The following RALGAPA2 variants were observed in gnomAD, a reference collection of about 807,000 sequenced individuals.
RALGAPA2 encodes Ral GTPase activating protein catalytic subunit alpha 2, also known as ral GTPase-activating protein subunit alpha-2.
In RALGAPA2, 139 loss-of-function variants were observed where a neutral mutation model predicts 230.4. The observed-to-expected ratio is 0.60, with a 90% CI of 0.53 to 0.69. The LOEUF (loss-of-function observed/expected upper bound fraction) is 0.69, where lower values mean the gene tolerates loss of function less well. Ranked by LOEUF, RALGAPA2 falls within the 30% of genes least tolerant of loss-of-function variation. The probability of loss-of-function intolerance (pLI) is 0.00; values close to 1 mark genes in which losing one functional copy is unlikely to be tolerated. For missense variants in RALGAPA2, 2,163 were observed against 2,276.0 expected (o/e 0.95, Z 1.01); for synonymous variants, 847 against 837.8 (o/e 1.01, Z -0.19).
intron 1 of RALGAPA2, among the ~76,000 whole-genome samples, chr20:20,687,362 C>G (rs1348978935): frequency 2.0e-5 from 3 of 152,182 alleles, no homozygotes; most frequent in Non-Finnish European, 4.4e-5. Context: ...CTGCCTAGGT[C>G]CCTGGGTAGT....
Position 20,531,775 on chromosome 20 carries a change from A to G in RALGAPA2, c.3494T>C (p.Leu1165Pro). 1 of 1,605,158 alleles carries G rather than the reference A, an allele frequency of 6.2e-7. No individual in the cohort carries two copies. The highest frequency in any genetic ancestry group is 8.5e-7 in the Non-Finnish European group (1 of 1,175,672). Reference protein sequence around the residue: ...EYARCIAVCSLGVWICEELAQ... With the variant: ...EYARCIAVCSPGVWICEELAQ... ...AAGCTCTTCACATATCCAGACCCCA[A>G]GGGAGCAAACAGCAATGCATCTTTT... Residue 1165 changes from leucine to proline, a missense_variant, in exon 27 of 40, where the codon CTT (leucine) becomes CCT (proline). Leu to Pro is a moderately conservative substitution (Grantham distance 98). Transcript: ENST00000202677.
At chr20:20,614,251 C>T (rs2066065733) in intron 13 of RALGAPA2, among the ~76,000 whole-genome samples, 1 of 152,074 alleles carries the variant, frequency 6.6e-6, no homozygotes, top group African/African-American at 2.4e-5. Flanking sequence ...TTTTTCTTTT[C>T]TATACTTTCA....
chr20:20,674,705 G>A (rs1474036595), intron 3 of RALGAPA2, among the ~76,000 whole-genome samples: 1 of 152,192 alleles, frequency 6.6e-6, no homozygotes. Context: ...ATAAATCTTA[G>A]AATTAATGTT....
chr20:20,414,203 G>A (rs906261561), intron 37 of RALGAPA2, among the ~76,000 whole-genome samples: 4 of 152,176 alleles, frequency 2.6e-5, no homozygotes, highest in African/African-American at 7.2e-5. Flanking sequence ...TTGGACCGCC[G>A]TGGCCCGCTG....
intron 38 of RALGAPA2, among the ~76,000 whole-genome samples, chr20:20,402,496 C>T (rs549668875): frequency 2.0e-5 from 3 of 152,310 alleles, no homozygotes; most frequent in South Asian, 4.1e-4. Flanking sequence ...GTCTTGAGGG[C>T]AGGGCGGGAC....
intron 13 of RALGAPA2, 122 bp from the exon 14 acceptor site, chr20:20,611,548 A>G: frequency 7.1e-7 from 1 of 1,405,516 alleles, no homozygotes; most frequent in East Asian, 2.3e-5. Context: ...ACTCGAAACT[A>G]TTAAAGTCCA....
intron 37 of RALGAPA2, among the ~76,000 whole-genome samples, chr20:20,431,355 G>C (rs374718294): frequency 4.6e-5 from 7 of 152,094 alleles, no homozygotes; most frequent in East Asian, 1.9e-4. Context: ...TGAGGCTGGA[G>C]GGGGGAGAAG....
At chr20:20,662,807 A>G (rs2067826503) in intron 3 of RALGAPA2, among the ~76,000 whole-genome samples, 1 of 152,252 alleles carries the variant, frequency 6.6e-6, no homozygotes, top group African/African-American at 2.4e-5. Flanking sequence ...ATGCACAAGG[A>G]AATGAAGACA....
intron 22 of RALGAPA2, 94 bp from the exon 23 acceptor site, chr20:20,571,707 T>A: frequency 6.7e-7 from 1 of 1,495,756 alleles, no homozygotes; most frequent in African/African-American, 1.4e-5. Flanking sequence ...AAGAGTTGTT[T>A]ATGGACATGT....
intron 37 of RALGAPA2, among the ~76,000 whole-genome samples, chr20:20,462,923 C>T (rs1028095495): frequency 2.0e-5 from 3 of 152,190 alleles, no homozygotes; most frequent in South Asian, 2.1e-4. Flanking sequence ...GTCCACTAAA[C>T]GTTCTGTGGA....
At chr20:20,560,985 A>C (rs1030143167) in intron 23 of RALGAPA2, among the ~76,000 whole-genome samples, 9 of 152,234 alleles carry the variant, frequency 5.9e-5, no homozygotes, top group African/African-American at 2.2e-4. Context: ...AGCACAAGCC[A>C]AACAGGCTAT....
chr20:20,676,076 GCA>G (rs1469668670), intron 3 of RALGAPA2, among the ~76,000 whole-genome samples, 158 bp downstream of exon 3: 1 of 151,898 alleles, frequency 6.6e-6, no homozygotes, highest in South Asian at 2.1e-4. Flanking sequence ...ATTATTTGTA[GCA>G]CAGTTTGTAA....
At chr20:20,607,847 T>C (rs2065866277) in intron 14 of RALGAPA2, among the ~76,000 whole-genome samples, 1 of 152,248 alleles carries the variant, frequency 6.6e-6, no homozygotes, top group Admixed American at 6.5e-5. Flanking sequence ...CAAACATGTA[T>C]GCAGACCTGT....
chr20:20,405,235 C>T (rs929912872), intron 38 of RALGAPA2, among the ~76,000 whole-genome samples: 31 of 152,322 alleles, frequency 2.0e-4, no homozygotes, highest in African/African-American at 6.7e-4. Context: ...GGCTGGCTAT[C>T]TTTTTGACAT....
intron 9 of RALGAPA2, among the ~76,000 whole-genome samples, chr20:20,630,972 C>CT (rs1446043900): frequency 6.6e-6 from 1 of 152,124 alleles, no homozygotes; most frequent in Non-Finnish European, 1.5e-5. Flanking sequence ...ACCACAAATT[C>CT]TTTAACACTC....
At chr20:20,666,570 G>A (rs770555699) in intron 3 of RALGAPA2, among the ~76,000 whole-genome samples, 1 of 152,180 alleles carries the variant, frequency 6.6e-6, no homozygotes, top group African/African-American at 2.4e-5. Flanking sequence ...CATGGGAGGA[G>A]GGAGCAGCAC....
intron 18 of RALGAPA2, among the ~76,000 whole-genome samples, 199 bp from the exon 19 acceptor site, chr20:20,585,154 T>G (rs954285714): frequency 2.0e-5 from 3 of 152,232 alleles, no homozygotes; most frequent in African/African-American, 7.2e-5. Context: ...AAACTTTAAT[T>G]TATATCCTCT....
chr20:20,397,735 G>C (rs2059747692), intron 38 of RALGAPA2, among the ~76,000 whole-genome samples: 1 of 152,198 alleles, frequency 6.6e-6, no homozygotes, highest in African/African-American at 2.4e-5. Context: ...GCCATCAGGA[G>C]GTGACCACTA....
At chr20:20,488,796 C>T (rs2061977362) in intron 36 of RALGAPA2, among the ~76,000 whole-genome samples, 1 of 152,226 alleles carries the variant, frequency 6.6e-6, no homozygotes, top group Non-Finnish European at 1.5e-5. Flanking sequence ...TATTTACTGG[C>T]CTTCTCCCTT....
Sources: gnomAD v4.1 joint callset for allele counts (sites outside exome capture counted in the v4.1 genomes callset) on GRCh38, gnomAD v4.1.1 for gene constraint, MANE v1.5 for transcripts, NCBI Gene and HGNC (gene_info 2026-07-23, HGNC 2026-07-21) for gene names.